Variants in OSBP2 observed in about 807,000 individuals in gnomAD.
OSBP2 encodes oxysterol binding protein 2, also known as oxysterol-binding protein 2.
In OSBP2, 66 loss-of-function variants were observed where a neutral mutation model predicts 96.0. That is an observed-to-expected ratio of 0.69 (90% CI 0.56 to 0.84). The LOEUF (loss-of-function observed/expected upper bound fraction) is 0.84. OSBP2 is among the 40% of genes least tolerant of loss of function. The pLI is 0.00. For synonymous variants in OSBP2, 525 were observed against 520.9 expected, an observed-to-expected ratio of 1.01 and a Z score of -0.11; for missense variants, 1,038 against 1,222.7, an observed-to-expected ratio of 0.85 and a Z score of 2.25.
intron 2 of OSBP2, among the ~76,000 whole-genome samples, chr22:30,759,846 TTC>T (rs2090185592): frequency 6.6e-6 from 1 of 152,184 alleles, no homozygotes; most frequent in Non-Finnish European, 1.5e-5. Context: ...GTAATTTCTT[TTC>T]TTTTTTAATT....
intron 2 of OSBP2, among the ~76,000 whole-genome samples, chr22:30,830,259 G>T (rs2038493182): frequency 6.6e-6 from 1 of 152,192 alleles, no homozygotes; most frequent in South Asian, 2.1e-4. Context: ...TTTATGTCCT[G>T]TTTCCCTGTG....
chr22:30,777,146 A>G (rs1489154408), intron 2 of OSBP2, among the ~76,000 whole-genome samples: 2 of 152,204 alleles, frequency 1.3e-5, no homozygotes, highest in Non-Finnish European at 2.9e-5. Flanking sequence ...TAATGCTGAA[A>G]TGAATTAAGA....
chr22:30,695,164 G>A lies in OSBP2; in HGVS notation c.255G>A (p.Glu85=). The A allele has an allele frequency of 6.2e-7, 1 of 1,611,188 alleles. No individual in the cohort carries two copies. Among genetic ancestry groups the A allele is most frequent in the African/African-American group, 1.3e-5 (1 of 75,032 alleles). ...TGCCAAGATCGGAACCTGTGTCCGA[G>A]ACGACGTCTGAGCCGGAGCCAGGGG... The part of the protein sequence containing the change: ...EAVPRSEPVS[E]TTSEPEPGAG... The change falls in exon 1 of 14, where the codon GAG becomes GAA. Residue 85 remains glutamate (E), a synonymous_variant. Coordinates refer to ENST00000332585, the MANE Select transcript of OSBP2 (RefSeq NM_030758.4).
At chr22:30,702,748 C>T (rs992578854) in intron 1 of OSBP2, among the ~76,000 whole-genome samples, 4 of 152,240 alleles carry the variant, frequency 2.6e-5, no homozygotes, top group African/African-American at 9.6e-5. Context: ...CCAGGTCTTC[C>T]TCCTTTGGGA....
At chr22:30,790,849 G>T (rs548202025) in intron 2 of OSBP2, among the ~76,000 whole-genome samples, 1 of 152,246 alleles carries the variant, frequency 6.6e-6, no homozygotes, top group East Asian at 1.9e-4. Flanking sequence ...ATCGAATCAC[G>T]TGGTTGCCCT....
At chr22:30,894,896 A>G (rs867755907) in intron 12 of OSBP2, among the ~76,000 whole-genome samples, 11 of 152,346 alleles carry the variant, frequency 7.2e-5, no homozygotes, top group African/African-American at 2.2e-4. Context: ...TAAAGAATGA[A>G]GGTGAAATCA....
At chr22:30,715,616 A>G (rs111417693) in intron 1 of OSBP2, among the ~76,000 whole-genome samples, 2 of 149,726 alleles carry the variant, frequency 1.3e-5, no homozygotes. Context: ...CAATGGCGCC[A>G]TCTCGGCTCA....
intron 1 of OSBP2, among the ~76,000 whole-genome samples, chr22:30,715,066 T>A (rs1005082999): frequency 1.1e-4 from 16 of 152,078 alleles, no homozygotes; most frequent in African/African-American, 3.1e-4. Context: ...TTTTTTTTTT[T>A]AATTTTATTT....
At chr22:30,715,393 A>AG (rs2089433548) in intron 1 of OSBP2, among the ~76,000 whole-genome samples, 1 of 125,448 alleles carries the variant, frequency 8.0e-6, no homozygotes, top group Admixed American at 8.9e-5. Context: ...GCCAGGGAGG[A>AG]GGGGACAGAG....
At chr22:30,795,908 C>T (rs962993526) in intron 2 of OSBP2, among the ~76,000 whole-genome samples, 1 of 152,184 alleles carries the variant, frequency 6.6e-6, no homozygotes, top group African/African-American at 2.4e-5. Context: ...TTGAAATGCT[C>T]CATGTATTCA....
chr22:30,890,848 G>A lies in OSBP2; in HGVS notation c.1744G>A (p.Ala582Thr), dbSNP rs1217886976. ...AGTGGAGCAGATGTGCCTGGTGGCC[G>A]CCTTCTCTGTGTCCTCCTACTCCAC... ...SSVEQMCLVA[A>T]FSVSSYSTTV... Residue 582 changes from alanine to threonine, a missense_variant, in exon 8 of 14, where the codon GCC becomes ACC. Ala to Thr is a moderately conservative substitution (Grantham distance 58, BLOSUM62 0). Coordinates refer to ENST00000332585, the MANE Select transcript of OSBP2 (RefSeq NM_030758.4). The surrounding 1 kb of genome is among the most constrained non-coding windows in gnomAD (Gnocchi z 4.4). The A allele has an allele frequency of 7.4e-6, 12 of 1,613,610 alleles. No individual in the cohort carries two copies. The highest frequency in any genetic ancestry group is 1.7e-5 in the Admixed American group (1 of 60,010).
intron 2 of OSBP2, among the ~76,000 whole-genome samples, chr22:30,856,591 T>A (rs2039084534): frequency 6.6e-6 from 1 of 151,778 alleles, no homozygotes; most frequent in African/African-American, 2.4e-5. Flanking sequence ...TTTGCCACGT[T>A]GGTCAGGCTG....
intron 2 of OSBP2, among the ~76,000 whole-genome samples, chr22:30,791,570 G>A (rs557242262): frequency 1.3e-5 from 2 of 151,258 alleles, no homozygotes; most frequent in Non-Finnish European, 2.9e-5. Flanking sequence ...GAAGTGATCC[G>A]CCCGCCTCGG....
intron 1 of OSBP2, among the ~76,000 whole-genome samples, chr22:30,717,523 A>G (rs974632596): frequency 1.3e-5 from 2 of 152,176 alleles, no homozygotes; most frequent in Admixed American, 6.5e-5. Flanking sequence ...GGGAAGTTAC[A>G]TCCAGGAAAG....
At chr22:30,753,355 G>A (rs1257168850) in intron 2 of OSBP2, among the ~76,000 whole-genome samples, 1 of 152,162 alleles carries the variant, frequency 6.6e-6, no homozygotes, top group Non-Finnish European at 1.5e-5. Context: ...CAGGTGGTGG[G>A]CATGGTTGGA....
At chr22:30,900,104 C>T (rs1030304638) in intron 12 of OSBP2, among the ~76,000 whole-genome samples, 1 of 151,988 alleles carries the variant, frequency 6.6e-6, no homozygotes, top group Non-Finnish European at 1.5e-5. Context: ...ACTAAAAATA[C>T]GACATTAGGC....
At chr22:30,768,812 G>A (rs912827397) in intron 2 of OSBP2, among the ~76,000 whole-genome samples, 7 of 152,186 alleles carry the variant, frequency 4.6e-5, no homozygotes, top group Admixed American at 1.3e-4. Context: ...TAGCACTTTC[G>A]TTTGTAATTA....
intron 2 of OSBP2, among the ~76,000 whole-genome samples, chr22:30,751,671 C>T (rs1399267347): frequency 1.3e-5 from 2 of 152,154 alleles, no homozygotes; most frequent in Non-Finnish European, 2.9e-5. Context: ...AAATATTTTA[C>T]AGAGTTTGAC....
intron 2 of OSBP2, among the ~76,000 whole-genome samples, chr22:30,857,128 G>A (rs1015816329): frequency 2.6e-5 from 4 of 152,196 alleles, no homozygotes; most frequent in Admixed American, 6.5e-5. Context: ...GCTACCAGCC[G>A]ACGGTAGTGA....
Sources: gnomAD v4.1 joint callset for allele counts (sites outside exome capture counted in the v4.1 genomes callset) on GRCh38, gnomAD v4.1.1 for gene constraint, Gnocchi (gnomAD v3.1) non-coding constraint, MANE v1.5 for transcripts, NCBI Gene and HGNC (gene_info 2026-07-23, HGNC 2026-07-21) for gene names.